ERC2: variants seen among roughly 807,000 people sequenced by gnomAD.
The protein encoded by ERC2 is ERC protein 2.
ERC2 carries 42 observed loss-of-function variants against 114.8 expected under a neutral mutation model. The ratio of observed to expected loss-of-function variants is 0.37; its 90% CI spans 0.29 to 0.47. ERC2 has a LOEUF of 0.47. ERC2 is among the 20% of genes least tolerant of loss of function. ERC2 has a pLI of 0.99. For missense variants in ERC2, 939 were observed against 1,150.7 expected, an observed-to-expected ratio of 0.82 and a Z score of 2.66; for synonymous variants, 454 against 425.5, an observed-to-expected ratio of 1.07 and a Z score of -0.82.
chr3:56,198,973 G>A (rs1427288661), intron 3 of ERC2, among the ~76,000 whole-genome samples: 1 of 152,182 alleles, frequency 6.6e-6, no homozygotes, highest in African/African-American at 2.4e-5. Flanking sequence ...TAATGCCTAG[G>A]TGACCCTGGA....
In ERC2 at chr3:55,508,381, T is replaced by G. The variant is rs1168338818; in HGVS notation, c.*2935A>C. 6.6e-6 allele frequency: 1 copy of G among 152,654 alleles called. No homozygotes were observed. Among genetic ancestry groups the G allele is most frequent in the Non-Finnish European group, 1.5e-5 (1 of 68,030 alleles). The allele number at this position is 152,654 out of a possible 1,614,324, so 9.5% of individuals were successfully genotyped here. A position where few individuals can be genotyped will look rare whatever the true frequency, so the allele number is the denominator to read the frequency against. Reference sequence around the variant, plus strand: ...CAGCACAAAGTACTTCTCATACACATGACAACAAATTTATGAACTGTACAT... The same window carrying G: ...CAGCACAAAGTACTTCTCATACACAGGACAACAAATTTATGAACTGTACAT... On this transcript the variant is annotated 3_prime_UTR_variant, in exon 18 of 18. Transcript: ENST00000288221.
At chr3:56,113,769 G>A (rs780420843) in intron 6 of ERC2, among the ~76,000 whole-genome samples, 35 of 152,118 alleles carry the variant, frequency 2.3e-4, no homozygotes, top group Non-Finnish European at 4.7e-4. Context: ...ATTGCATGTA[G>A]TGGGTCCCCA....
At position 55,817,527 on chromosome 3, in the gene ERC2, T is replaced by C. The variant is rs568058930; in HGVS notation, c.2564+70862A>G. Among the ~76,000 whole-genome samples the C allele has an allele frequency of 9.8e-5, 15 of 152,336 alleles. 1 individual carries two copies. In the South Asian group the frequency reaches 2.9e-3, roughly 29 times the overall value. Reference sequence around the variant, plus strand: ...CATTTCAGGTTGCAAATAAGCGATATTTATATTGTCATAAGAATAACCCTG... The same window carrying C: ...CATTTCAGGTTGCAAATAAGCGATACTTATATTGTCATAAGAATAACCCTG... On this transcript the variant is annotated intron_variant, in intron 14 of 17. Coordinates refer to ENST00000288221, the MANE Select transcript of ERC2 (RefSeq NM_015576.3).
intron 3 of ERC2, among the ~76,000 whole-genome samples, chr3:56,245,921 G>T (rs543239088): frequency 6.6e-6 from 1 of 152,096 alleles, no homozygotes; most frequent in South Asian, 2.1e-4. Context: ...CATGGCAGTA[G>T]ATACATACCT....
intron 3 of ERC2, among the ~76,000 whole-genome samples, chr3:56,295,641 T>C (rs1205206841): frequency 6.6e-6 from 1 of 152,238 alleles, no homozygotes; most frequent in African/African-American, 2.4e-5. Flanking sequence ...GTCATTGTGT[T>C]GCTAATCCTA....
At chr3:55,890,124 C>A (rs538508123) in intron 13 of ERC2, among the ~76,000 whole-genome samples, 1 of 152,286 alleles carries the variant, frequency 6.6e-6, no homozygotes, top group African/African-American at 2.4e-5. Context: ...CAAATCTATG[C>A]AGTTTAAAAA....
chr3:55,857,984 A>T (rs940621275), intron 14 of ERC2, among the ~76,000 whole-genome samples: 2 of 152,192 alleles, frequency 1.3e-5, no homozygotes, highest in African/African-American at 4.8e-5. Context: ...ACCTCAAAAA[A>T]TACAACAGAA....
At chr3:56,239,669 A>C (rs2051197595) in intron 3 of ERC2, among the ~76,000 whole-genome samples, 1 of 152,336 alleles carries the variant, frequency 6.6e-6, no homozygotes, top group Admixed American at 6.5e-5. Flanking sequence ...CTGAGTTTTA[A>C]TTTTTCTCAT....
At chr3:56,200,374 T>A (rs1351727129) in intron 3 of ERC2, among the ~76,000 whole-genome samples, 1 of 151,074 alleles carries the variant, frequency 6.6e-6, no homozygotes, top group African/African-American at 2.4e-5. Context: ...CTACCTAGTA[T>A]CTTTTTACTA....
At chr3:56,043,728 T>G (rs1263854865) in intron 7 of ERC2, among the ~76,000 whole-genome samples, 1 of 152,156 alleles carries the variant, frequency 6.6e-6, no homozygotes, top group Non-Finnish European at 1.5e-5. Context: ...AACTTATAAG[T>G]TAGTTGACAA....
intron 15 of ERC2, among the ~76,000 whole-genome samples, chr3:55,710,934 GAA>G (rs1310285167): frequency 6.6e-6 from 1 of 152,180 alleles, no homozygotes; most frequent in Non-Finnish European, 1.5e-5. Flanking sequence ...GGGCCCAGGA[GAA>G]ACCCCCAGAA....
intron 6 of ERC2, among the ~76,000 whole-genome samples, chr3:56,133,243 G>A (rs1303087414): frequency 1.7e-4 from 26 of 152,148 alleles, no homozygotes; most frequent in Admixed American, 1.1e-3. Context: ...TTCGAAACCA[G>A]CCTGGGCAAC....
At chr3:55,780,696 C>G (rs2068970535) in intron 14 of ERC2, among the ~76,000 whole-genome samples, 1 of 152,142 alleles carries the variant, frequency 6.6e-6, no homozygotes, top group Non-Finnish European at 1.5e-5. Context: ...CAGAAAAGTT[C>G]ACTCCTCTGT....
At chr3:55,792,094 T>G (rs1270667006) in intron 14 of ERC2, among the ~76,000 whole-genome samples, 4 of 152,152 alleles carry the variant, frequency 2.6e-5, no homozygotes. Context: ...TAAATCTTGG[T>G]GGAAGTCAAC....
intron 2 of ERC2, among the ~76,000 whole-genome samples, chr3:56,330,928 G>A (rs960956586): frequency 3.9e-5 from 6 of 152,104 alleles, no homozygotes; most frequent in East Asian, 1.9e-4. Flanking sequence ...TGTTCGGTCC[G>A]TTTTCCAGCA....
intron 14 of ERC2, among the ~76,000 whole-genome samples, chr3:55,830,173 C>G (rs1192557448): frequency 1.3e-5 from 2 of 152,044 alleles, no homozygotes; most frequent in Non-Finnish European, 2.9e-5. Context: ...AGACAGAAAA[C>G]AATGGAACAA....
chr3:55,560,117 AGAGGAAAGCATGGTGGT>A (rs1341308585), intron 17 of ERC2, among the ~76,000 whole-genome samples: 1 of 152,198 alleles, frequency 6.6e-6, no homozygotes, highest in Non-Finnish European at 1.5e-5. Flanking sequence ...TTCTTGGGCC[AGAGGAAAGCATGGTGGT>A]GAGGAACCCT....
rs563573690 is a variant in ERC2, at chr3:56,136,618, T to A, written c.1473+2891A>T. On this transcript the variant is annotated intron_variant, in intron 6 of 17. Transcript: ENST00000288221. ...ACCCACTAACACACCACACAGCAGGTAGAAAGACTCTTATTTACCTCTGCT... is the reference window on the plus strand; with the variant it reads ...ACCCACTAACACACCACACAGCAGGAAGAAAGACTCTTATTTACCTCTGCT... 1.6e-4 allele frequency among the ~76,000 whole-genome samples: 24 copies of A among 152,218 alleles called. No homozygotes were observed. The East Asian group carries it at 4.4e-3, about 28-fold the overall frequency.
chr3:55,977,940 C>A (rs544855418), intron 12 of ERC2, among the ~76,000 whole-genome samples: 1 of 152,004 alleles, frequency 6.6e-6, no homozygotes, highest in Non-Finnish European at 1.5e-5. Context: ...AAAAAAAAGC[C>A]AAGGTGTAGA....
Sources: allele counts gnomAD v4.1 joint callset (sites outside exome capture counted in the v4.1 genomes callset), GRCh38; gene constraint gnomAD v4.1.1; transcripts MANE v1.5; gene names NCBI Gene and HGNC (gene_info 2026-07-23, HGNC 2026-07-21).